Variants in DLGAP2 observed in about 807,000 individuals in gnomAD.
The protein encoded by DLGAP2 is disks large-associated protein 2.
In DLGAP2, 26 loss-of-function variants were observed where a neutral mutation model predicts 100.3. The observed-to-expected ratio is 0.26, with a 90% CI of 0.19 to 0.36. DLGAP2 has a LOEUF of 0.36. Among genes scored for constraint, DLGAP2 ranks in the 10% least tolerant of loss-of-function variants. DLGAP2 has a pLI of 1.00. For synonymous variants in DLGAP2, 886 were observed against 630.1 expected, an observed-to-expected ratio of 1.41 and a Z score of -6.08; for missense variants, 1,858 against 1,453.2, an observed-to-expected ratio of 1.28 and a Z score of -4.53.
intron 2 of DLGAP2, among the ~76,000 whole-genome samples, chr8:1,030,300 T>C (rs747292241): frequency 1.3e-5 from 2 of 152,188 alleles, no homozygotes; most frequent in Non-Finnish European, 2.9e-5. Flanking sequence ...TTGGGTCCCA[T>C]TGTGTTTTGT....
chr8:1,057,678 C>G (rs1460193474), intron 2 of DLGAP2, among the ~76,000 whole-genome samples: 2 of 152,204 alleles, frequency 1.3e-5, no homozygotes, highest in African/African-American at 4.8e-5. Flanking sequence ...GTAATTTTCT[C>G]TGAATTAGAT....
chr8:1,471,678 T>A (rs1173661118), intron 3 of DLGAP2, among the ~76,000 whole-genome samples: 1 of 124,968 alleles, frequency 8.0e-6, no homozygotes, highest in Non-Finnish European at 1.7e-5. Context: ...TTTATGAGCA[T>A]GGGAAATGCC....
chr8:1,210,997 C>G (rs1798092514), intron 2 of DLGAP2, among the ~76,000 whole-genome samples: 2 of 152,356 alleles, frequency 1.3e-5, no homozygotes, highest in East Asian at 1.9e-4. Flanking sequence ...CTGCGGCTGT[C>G]TTTAAAGGAC....
At chr8:1,275,693 T>C (rs1362217771) in intron 3 of DLGAP2, among the ~76,000 whole-genome samples, 1 of 141,336 alleles carries the variant, frequency 7.1e-6, no homozygotes, top group Admixed American at 7.8e-5. Context: ...CATGGTTCTC[T>C]AGAGGGACAG....
chr8:1,493,245 G>C (rs1333531993), intron 3 of DLGAP2, among the ~76,000 whole-genome samples: 3 of 151,640 alleles, frequency 2.0e-5, no homozygotes, highest in Non-Finnish European at 1.5e-5. Context: ...AGCGCATAGA[G>C]GGCTGCTTTC....
At chr8:1,166,318 G>A (rs867967824) in intron 2 of DLGAP2, among the ~76,000 whole-genome samples, 7 of 152,106 alleles carry the variant, frequency 4.6e-5, no homozygotes, top group African/African-American at 1.2e-4. Context: ...CCGAGGCCCC[G>A]GCCTATAATT....
chr8:904,834 T>C (rs923562844), intron 1 of DLGAP2, among the ~76,000 whole-genome samples: 2 of 152,242 alleles, frequency 1.3e-5, no homozygotes, highest in African/African-American at 4.8e-5. Flanking sequence ...TTGTGTGGAA[T>C]TGAACTTTTA....
At chr8:968,517 C>G (rs190535345) in intron 2 of DLGAP2, among the ~76,000 whole-genome samples, 2 of 152,304 alleles carry the variant, frequency 1.3e-5, no homozygotes, top group African/African-American at 2.4e-5. Context: ...TACTAGAAGA[C>G]GGGGCTCCCT....
At chr8:1,409,966 C>T (rs539156208) in intron 3 of DLGAP2, among the ~76,000 whole-genome samples, 25 of 152,294 alleles carry the variant, frequency 1.6e-4, no homozygotes, top group African/African-American at 5.8e-4. Context: ...AAATAAAACC[C>T]CCTCTTATGT....
rs568661701 is a variant in DLGAP2 at position 1,330,781 on chromosome 8, G to C, written c.106+71898G>C. ...ACCGCTTCATCGGGACCGAGTTCTG[G>C]GTGGGAGCACTGCTTCACGGGGACC... On this transcript the variant is annotated intron_variant, in intron 3 of 14. Coordinates refer to ENST00000637795, the MANE Select transcript of DLGAP2 (RefSeq NM_001346810.2). 1.1e-3 allele frequency among the ~76,000 whole-genome samples: 146 copies of C among 138,278 alleles called. 10 individuals are homozygous for C. Among genetic ancestry groups the C allele is most frequent in the Middle Eastern group, 4.5e-3 (1 of 220 alleles). 90.7% of individuals were successfully genotyped at this position (138,278 alleles called of 152,430 possible). A position where few individuals can be genotyped will look rare whatever the true frequency, so the allele number is the denominator to read the frequency against.
At position 1,071,477 on chromosome 8, in the gene DLGAP2, A is replaced by C. The variant is rs1008655943; in HGVS notation, c.73+163511A>C. 4.6e-5 allele frequency among the ~76,000 whole-genome samples: 7 copies of C among 152,114 alleles called. No homozygotes were observed. The East Asian group carries it at 1.4e-3, about 30-fold the overall frequency. On this transcript the variant is annotated intron_variant, in intron 2 of 14. Transcript: ENST00000637795. ...CAGCTGTCCTCAGCTACCAGTCAGGAGAACACTTGCTCCTGGGCGTCCCGG... is the reference window on the plus strand; with the variant it reads ...CAGCTGTCCTCAGCTACCAGTCAGGCGAACACTTGCTCCTGGGCGTCCCGG...
At chr8:917,655 A>G (rs1400398404) in intron 2 of DLGAP2, among the ~76,000 whole-genome samples, 1 of 152,156 alleles carries the variant, frequency 6.6e-6, no homozygotes, top group Non-Finnish European at 1.5e-5. Context: ...ATCTCAGCTC[A>G]TTGCAAACTC....
chr8:1,253,341 C>G (rs530642039), intron 2 of DLGAP2, among the ~76,000 whole-genome samples: 82 of 152,328 alleles, frequency 5.4e-4, no homozygotes, highest in Non-Finnish European at 1.1e-3. Context: ...GCTCCATCGG[C>G]TGCTACTGCG....
rs1328729103 is a variant in DLGAP2 at position 1,233,459 on chromosome 8, TGGTTGGCTAAC to T, written c.74-25389_74-25379del. Among the ~76,000 whole-genome samples the T allele has an allele frequency of 9.2e-5, 14 of 152,316 alleles. No homozygotes were observed. The East Asian group carries it at 2.5e-3, about 27-fold the overall frequency. On this transcript the variant is annotated intron_variant, in intron 2 of 14. Coordinates refer to ENST00000637795, the MANE Select transcript of DLGAP2 (RefSeq NM_001346810.2). Reference sequence around the variant, plus strand: ...ACGTCCTGCCTACCACGGGCCTGAATGGTTGGCTAACGGGGCTAATCGCAGAGCGCAGGGAA... The same window carrying T: ...ACGTCCTGCCTACCACGGGCCTGAATGGGGCTAATCGCAGAGCGCAGGGAA...
At chr8:848,204 T>A (rs978193663) in intron 1 of DLGAP2, among the ~76,000 whole-genome samples, 2 of 152,248 alleles carry the variant, frequency 1.3e-5, no homozygotes, top group Non-Finnish European at 2.9e-5. Context: ...TATAGACTTA[T>A]CTATATTGCT....
chr8:1,628,232 G>C lies in DLGAP2; in HGVS notation c.1590+1345G>C, dbSNP rs569735935. The stretch of plus-strand genomic sequence containing the variant: ...CCTGAGCTGACCTCACATTCTTTCT[G>C]ACTTACTGTGGAGCAGGGATTAAGA... On this transcript the variant is annotated intron_variant, in intron 7 of 14. Coordinates refer to ENST00000637795, the MANE Select transcript of DLGAP2 (RefSeq NM_001346810.2). Among the ~76,000 whole-genome samples the C allele has an allele frequency of 1.0e-3, 137 of 135,392 alleles. 6 individuals carry two copies. The highest frequency in any genetic ancestry group is 4.1e-3 in the African/African-American group (129 of 31,418). 88.8% of individuals were successfully genotyped at this position (135,392 alleles called of 152,430 possible). A position where few individuals can be genotyped will look rare whatever the true frequency, so the allele number is the denominator to read the frequency against.
At chr8:1,337,199 GTGATGATGGTGA>G (rs1357243326) in intron 3 of DLGAP2, among the ~76,000 whole-genome samples, 6 of 67,064 alleles carry the variant, frequency 8.9e-5, no homozygotes, top group African/African-American at 7.6e-4. Flanking sequence ...GAGAATGATG[GTGATGATGGTGA>G]TGATGATGAG....
Position 916,165 on chromosome 8 carries a change from C to T in DLGAP2, c.73+8199C>T, listed in dbSNP as rs190585852. 1.0e-3 allele frequency among the ~76,000 whole-genome samples: 155 copies of T among 152,334 alleles called. 1 individual carries two copies. The South Asian group carries it at 0.012, about 12-fold the overall frequency. On this transcript the variant is annotated intron_variant, in intron 2 of 14. Transcript: ENST00000637795. ...ACGCTCCGCACTCTCTTTTCCTATC[C>T]ACCCCAGTTTTCCCACCCACGTATT... is the stretch of plus-strand genomic sequence containing the variant.
chr8:1,098,135 C>T (rs565260633), intron 2 of DLGAP2, among the ~76,000 whole-genome samples: 19 of 152,384 alleles, frequency 1.2e-4, no homozygotes, highest in African/African-American at 4.1e-4. Context: ...ACTGGACACA[C>T]GTCCCTCCCC....
Sources: allele counts gnomAD v4.1 joint callset (sites outside exome capture counted in the v4.1 genomes callset), GRCh38; gene constraint gnomAD v4.1.1; transcripts MANE v1.5; gene names NCBI Gene and HGNC (gene_info 2026-07-23, HGNC 2026-07-21).